The following ALDH1A1 variants were observed in gnomAD, a reference collection of about 807,000 sequenced individuals.
ALDH1A1 encodes the protein aldehyde dehydrogenase 1A1.
ALDH1A1 carries 19 observed loss-of-function variants against 62.1 expected under a neutral mutation model. That is an observed-to-expected ratio of 0.31 (90% CI 0.21 to 0.45). ALDH1A1 has a LOEUF of 0.45. Ranked by LOEUF, ALDH1A1 falls within the 20% of genes least tolerant of loss-of-function variation. The probability of loss-of-function intolerance (pLI) is 1.00; values close to 1 mark genes in which losing one functional copy is unlikely to be tolerated. For missense variants in ALDH1A1, 521 were observed against 607.1 expected (o/e 0.86, Z 1.49); for synonymous variants, 231 against 215.9 (o/e 1.07, Z -0.61).
chr9:72,917,788 GA>G (rs1255363368), intron 8 of ALDH1A1, among the ~76,000 whole-genome samples: 1 of 152,014 alleles, frequency 6.6e-6, no homozygotes, highest in African/African-American at 2.4e-5. Context: ...CTCTAAACAA[GA>G]ATAAAATTTT....
intron 1 of ALDH1A1, among the ~76,000 whole-genome samples, chr9:72,940,496 G>C (rs1418020384): frequency 6.6e-6 from 1 of 152,092 alleles, no homozygotes; most frequent in Non-Finnish European, 1.5e-5. Flanking sequence ...ATACATACTG[G>C]AGAAAACAAT....
At position 72,916,963 on chromosome 9, in the gene ALDH1A1, A is replaced by T; in HGVS notation, c.992T>A (p.Ile331Asn). 6.2e-7 allele frequency: 1 copy of T among 1,613,466 alleles called. No individual in the cohort carries two copies. Among genetic ancestry groups the T allele is most frequent in the Non-Finnish European group, 8.5e-7 (1 of 1,179,682 alleles). Residue 331 changes from isoleucine (I) to asparagine (N), a missense_variant, in exon 9 of 13, where the codon ATC becomes AAC. Physicochemically the swap from Ile to Asn is moderately radical, Grantham distance 149. Transcript: ENST00000297785. ...TCCTGGGGTCAGAGGATTTCCAAGG[A>T]TATACTTCTTAGCCCGCTCAACACT... ...RRSVERAKKYILGNPLTPGVT... is the reference protein window; with the variant it reads ...RRSVERAKKYNLGNPLTPGVT...
chr9:72,904,550 T>A (rs1829850923), intron 12 of ALDH1A1, among the ~76,000 whole-genome samples: 1 of 152,116 alleles, frequency 6.6e-6, no homozygotes, highest in South Asian at 2.1e-4. Flanking sequence ...GAAGTTTTCT[T>A]CTCTATAAAC....
intron 3 of ALDH1A1, among the ~76,000 whole-genome samples, chr9:72,930,473 G>T (rs1315957606): frequency 3.9e-5 from 6 of 152,202 alleles, no homozygotes; most frequent in African/African-American, 1.4e-4. Context: ...AATATTTTGG[G>T]CACCCTTAAC....
At chr9:72,905,494 CA>C (rs950306840) in intron 12 of ALDH1A1, among the ~76,000 whole-genome samples, 1 of 152,070 alleles carries the variant, frequency 6.6e-6, no homozygotes, top group African/African-American at 2.4e-5. Flanking sequence ...AATATCTCAA[CA>C]AATGGGAATC....
At chr9:72,908,607 GAAAGAAAGAAAGAAAGAAA>G (rs1829933456) in intron 11 of ALDH1A1, among the ~76,000 whole-genome samples, 4 of 138,166 alleles carry the variant, frequency 2.9e-5, no homozygotes, top group Non-Finnish European at 6.4e-5. Context: ...AAGAAAGAAA[GAAAGAAAGAAAGAAAGAAA>G]GAGAATATTG....
rs916044638 is a variant in ALDH1A1 at position 72,930,933 on chromosome 9, C to T, written c.258G>A (p.Gly86=). Residue 86 remains glycine (G), a synonymous_variant, in exon 3 of 13, where the codon GGG becomes GGA. Coordinates refer to ENST00000297785, the MANE Select transcript of ALDH1A1 (RefSeq NM_000689.5). ...AATCAGCCAACTTGTATAATAGTCG[C>T]CCCCTCTCGGAAGCATCCATAGTAC... is the stretch of plus-strand genomic sequence containing the variant. ...PWRTMDASER[G]RLLYKLADLI... The T allele has an allele frequency of 5.0e-6, 8 of 1,613,892 alleles. No homozygotes were observed. Among genetic ancestry groups the T allele is most frequent in the Non-Finnish European group, 1.7e-6 (2 of 1,179,966 alleles).
rs1165682762 is a variant in ALDH1A1 at position 72,924,152 on chromosome 9, A to G, written c.634-20T>C. The G allele has an allele frequency of 3.9e-6, 6 of 1,549,976 alleles. No homozygotes were observed. The African/African-American group carries it at 4.1e-5, about 11-fold the overall frequency. On this transcript the variant is annotated intron_variant, in intron 6 of 12. Coordinates refer to ENST00000297785, the MANE Select transcript of ALDH1A1 (RefSeq NM_000689.5). ...CCCTGCCTAAAAGATAAAAAGTTTAAAAGTTACAGTATAAGAATTTAATTC... is the reference window on the plus strand; with the variant it reads ...CCCTGCCTAAAAGATAAAAAGTTTAGAAGTTACAGTATAAGAATTTAATTC...
intron 2 of ALDH1A1, 145 bp downstream of exon 2, chr9:72,940,003 G>A (rs1830397000): frequency 9.5e-6 from 5 of 528,368 alleles, no homozygotes; most frequent in Admixed American, 3.2e-5. Context: ...TGGTAACAAG[G>A]ACAACTTAGA....
chr9:72,941,786 T>C (rs1830418470), intron 1 of ALDH1A1, among the ~76,000 whole-genome samples: 1 of 152,172 alleles, frequency 6.6e-6, no homozygotes, highest in Non-Finnish European at 1.5e-5. Flanking sequence ...CATGCCAATA[T>C]AATTTTCCAT....
At chr9:72,916,042 T>A (rs947602847) in intron 9 of ALDH1A1, among the ~76,000 whole-genome samples, 1 of 152,194 alleles carries the variant, frequency 6.6e-6, no homozygotes, top group African/African-American at 2.4e-5. Context: ...CAGATAATTC[T>A]TTGTCATGGG....
At chr9:72,912,230 AC>A in intron 9 of ALDH1A1, 108 bp from the exon 10 acceptor site, 1 of 842,430 alleles carries the variant, frequency 1.2e-6, no homozygotes, top group Non-Finnish European at 1.8e-6. Context: ...TTGCAATTAA[AC>A]CAAATATTGA....
intron 2 of ALDH1A1, among the ~76,000 whole-genome samples, chr9:72,933,689 C>T (rs548242896): frequency 7.3e-5 from 11 of 150,662 alleles, no homozygotes; most frequent in Non-Finnish European, 1.6e-4. Flanking sequence ...AATAAGATAA[C>T]ATTTAAACAT....
intron 2 of ALDH1A1, among the ~76,000 whole-genome samples, chr9:72,938,691 C>T (rs1209978050): frequency 2.6e-5 from 4 of 151,650 alleles, no homozygotes; most frequent in African/African-American, 7.3e-5. Context: ...GTGATCTGCC[C>T]GCCTCAGCCT....
At position 72,924,150 on chromosome 9, in the gene ALDH1A1, T is replaced by C. The variant is rs111512367; in HGVS notation, c.634-18A>G. On this transcript the variant is annotated intron_variant, in intron 6 of 12. Transcript: ENST00000297785. ...AACCCTGCCTAAAAGATAAAAAGTT[T>C]AAAAGTTACAGTATAAGAATTTAAT... 17 of 1,560,900 alleles carry C rather than the reference T, an allele frequency of 1.1e-5. No homozygotes were observed. The highest frequency in any genetic ancestry group is 4.1e-5 in the African/African-American group (3 of 72,858).
chr9:72,939,756 G>C (rs1240728548), intron 2 of ALDH1A1, among the ~76,000 whole-genome samples: 3 of 151,954 alleles, frequency 2.0e-5, no homozygotes. Context: ...GACCTCAAGT[G>C]ATCCAACTGC....
intron 5 of ALDH1A1, 73 bp downstream of exon 5, chr9:72,927,043 A>C: frequency 1.5e-5 from 16 of 1,088,780 alleles, no homozygotes; most frequent in Non-Finnish European, 2.1e-5. Context: ...TCTGTTTTAG[A>C]GAAAGCTTCA....
At position 72,913,500 on chromosome 9, in the gene ALDH1A1, C is replaced by T. The variant is rs570211085; in HGVS notation, c.1036-1378G>A. Among the ~76,000 whole-genome samples, 3 of 152,216 alleles carry T rather than the reference C, an allele frequency of 2.0e-5. No homozygotes were observed. In the South Asian group the frequency reaches 6.2e-4, roughly 32 times the overall value. ...AAATAGTCAAGGGTCCATGTCACTC[C>T]ACATAAAGCTTTCTGTCTTATTGGA... On this transcript the variant is annotated intron_variant, in intron 9 of 12. Transcript: ENST00000297785.
At position 72,952,984 on chromosome 9, in the gene ALDH1A1, G is replaced by T. The variant is rs144704960; in HGVS notation, c.17C>A (p.Thr6Lys). Residue 6 changes from threonine to lysine, a missense_variant, in exon 1 of 13, where the codon ACG becomes AAG. Thr to Lys is a moderately conservative substitution (Grantham distance 78). Transcript: ENST00000297785. The part of the protein sequence containing the change: MSSSG[T>K]PDLPVLLTDL... ...GGTGAGTAGGACAGGTAAGTCTGGC[G>T]TGCCTGAGGATGACATTTCTGATTC... 1 of 1,613,118 alleles carries T rather than the reference G, an allele frequency of 6.2e-7. No individual in the cohort carries two copies. Among genetic ancestry groups the T allele is most frequent in the Admixed American group, 1.7e-5 (1 of 59,928 alleles).
Sources: allele counts gnomAD v4.1 joint callset (sites outside exome capture counted in the v4.1 genomes callset), GRCh38; gene constraint gnomAD v4.1.1; transcripts MANE v1.5; gene names NCBI Gene and HGNC (gene_info 2026-07-23, HGNC 2026-07-21).